Variants in SLCO3A1 observed in about 807,000 individuals in gnomAD.
SLCO3A1 encodes the protein PGE1 transporter.
SLCO3A1 carries 27 observed loss-of-function variants against 63.1 expected under a neutral mutation model. The observed-to-expected ratio is 0.43, with a 90% CI of 0.32 to 0.59. SLCO3A1 has a LOEUF of 0.59. Ranked by LOEUF, SLCO3A1 falls within the 20% of genes least tolerant of loss-of-function variation. The pLI, the probability that SLCO3A1 is intolerant of heterozygous loss-of-function variation, is 0.09. For missense variants in SLCO3A1, 773 were observed against 945.8 expected, an observed-to-expected ratio of 0.82 and a Z score of 2.40; for synonymous variants, 473 against 409.9, an observed-to-expected ratio of 1.15 and a Z score of -1.86.
chr15:91,971,170 C>T (rs367557942), intron 2 of SLCO3A1, among the ~76,000 whole-genome samples: 14 of 151,708 alleles, frequency 9.2e-5, no homozygotes, highest in East Asian at 1.9e-4. Context: ...CCGAGGCGGG[C>T]GGATCATGGG....
chr15:91,885,741 G>A lies in SLCO3A1; in HGVS notation c.181-30252G>A, dbSNP rs191775073. Among the ~76,000 whole-genome samples the A allele has an allele frequency of 2.8e-3, 419 of 152,278 alleles. 1 individual carries two copies. The highest frequency in any genetic ancestry group is 3.1e-3 in the Non-Finnish European group (213 of 68,034). ...GCGGTCTGACAATTCAGATCCCTTC[G>A]CCTTCCCCTCCCCTATTTTTATGGC... On this transcript the variant is annotated intron_variant, in intron 1 of 9. Coordinates refer to ENST00000318445, the MANE Select transcript of SLCO3A1 (RefSeq NM_013272.4). This position sits in a 1 kb window ranked among gnomAD's most constrained non-coding sequence, Gnocchi z 4.7.
intron 5 of SLCO3A1, among the ~76,000 whole-genome samples, chr15:92,121,968 C>T (rs2047867977): frequency 6.6e-6 from 1 of 152,094 alleles, no homozygotes; most frequent in African/African-American, 2.4e-5. Context: ...GGAGGGAAGC[C>T]CACGAGAGGG....
chr15:91,949,393 G>T (rs183308822), intron 2 of SLCO3A1, among the ~76,000 whole-genome samples: 1 of 152,182 alleles, frequency 6.6e-6, no homozygotes, highest in Non-Finnish European at 1.5e-5. Context: ...ACTTTGGGAG[G>T]CTGAGACAGG....
At chr15:91,917,160 G>T (rs1898689498) in intron 2 of SLCO3A1, among the ~76,000 whole-genome samples, 1 of 152,104 alleles carries the variant, frequency 6.6e-6, no homozygotes, top group African/African-American at 2.4e-5. Flanking sequence ...TTGGATGGCA[G>T]CGTGCAAGGT....
intron 2 of SLCO3A1, among the ~76,000 whole-genome samples, chr15:91,975,530 G>C (rs910583349): frequency 6.6e-6 from 1 of 152,232 alleles, no homozygotes; most frequent in African/African-American, 2.4e-5. Flanking sequence ...TGAAGCAGCT[G>C]TGTATTTCAA....
chr15:92,009,019 T>C (rs1367326802), intron 2 of SLCO3A1, among the ~76,000 whole-genome samples: 2 of 152,204 alleles, frequency 1.3e-5, no homozygotes, highest in Non-Finnish European at 2.9e-5. Context: ...ATGAAAAATA[T>C]ATTACTTCTG....
rs555819649 is a variant in SLCO3A1 at position 92,063,085 on chromosome 15, T to C, written c.647-31796T>C. Among the ~76,000 whole-genome samples the C allele has an allele frequency of 2.6e-5, 4 of 152,336 alleles. No individual in the cohort carries two copies. In the East Asian group the frequency reaches 7.7e-4, roughly 29 times the overall value. Reference sequence around the variant, plus strand: ...CTCAGAATAACGCCTTAAGGTTAGCTCAGGTTCTGCTTATAAATACTAAGC... The same window carrying C: ...CTCAGAATAACGCCTTAAGGTTAGCCCAGGTTCTGCTTATAAATACTAAGC... On this transcript the variant is annotated intron_variant, in intron 2 of 9. Transcript: ENST00000318445.
chr15:92,081,769 G>A lies in SLCO3A1; in HGVS notation c.647-13112G>A, dbSNP rs542992484. ...AACCTGTCTGCAGGTAGAATCACCT[G>A]GGGACTTTGGGAAAAGCCCATTGCC... On this transcript the variant is annotated intron_variant, in intron 2 of 9. Transcript: ENST00000318445. Among the ~76,000 whole-genome samples the A allele has an allele frequency of 5.3e-5, 8 of 152,306 alleles. No homozygotes were observed. In the East Asian group the frequency reaches 1.5e-3, roughly 29 times the overall value.
At chr15:92,061,231 C>A (rs11074037) in intron 2 of SLCO3A1, among the ~76,000 whole-genome samples, 83,878 of 152,084 alleles carry the variant, frequency 0.55, 24,344 homozygotes, top group Admixed American at 0.69. Flanking sequence ...CCTCTCCTTC[C>A]ATGAGTCTAG....
chr15:92,124,295 C>T (rs1435272595), intron 5 of SLCO3A1, among the ~76,000 whole-genome samples: 1 of 152,182 alleles, frequency 6.6e-6, no homozygotes, highest in African/African-American at 2.4e-5. Context: ...GTTCTGATCA[C>T]CGCCTGGAGT....
At chr15:91,957,981 T>C (rs368465837) in intron 2 of SLCO3A1, among the ~76,000 whole-genome samples, 17 of 152,240 alleles carry the variant, frequency 1.1e-4, no homozygotes, top group South Asian at 8.3e-4. Flanking sequence ...ATTTGATCCA[T>C]GAACAACATG....
intron 2 of SLCO3A1, among the ~76,000 whole-genome samples, chr15:91,947,555 GC>G (rs1176484663): frequency 6.6e-6 from 1 of 152,216 alleles, no homozygotes; most frequent in African/African-American, 2.4e-5. Context: ...GACACTAGGA[GC>G]CTGGTCATTG....
intron 9 of SLCO3A1, among the ~76,000 whole-genome samples, chr15:92,156,306 C>T (rs892407919): frequency 3.3e-5 from 5 of 152,158 alleles, no homozygotes; most frequent in Non-Finnish European, 5.9e-5. Context: ...ATTGTTCATT[C>T]GGCGAACATA....
At chr15:92,091,722 A>T (rs527706843) in intron 2 of SLCO3A1, among the ~76,000 whole-genome samples, 2 of 152,252 alleles carry the variant, frequency 1.3e-5, no homozygotes, top group Non-Finnish European at 2.9e-5. Context: ...GGAGCGACAT[A>T]GAAAAGTGAC....
chr15:92,168,155 G>A (rs546003929), downstream of SLCO3A1, among the ~76,000 whole-genome samples: 2 of 152,298 alleles, frequency 1.3e-5, no homozygotes, highest in East Asian at 1.9e-4. Flanking sequence ...TAAGAGCTAG[G>A]GTCTGTCTGG....
At chr15:92,000,403 TAAA>T (rs56354930) in intron 2 of SLCO3A1, among the ~76,000 whole-genome samples, 3 of 138,270 alleles carry the variant, frequency 2.2e-5, no homozygotes, top group African/African-American at 8.7e-5. Flanking sequence ...CCTTTTTTTT[TAAA>T]AAAAAAAAAA....
chr15:91,906,011 A>G (rs960757802), intron 1 of SLCO3A1, among the ~76,000 whole-genome samples: 8 of 152,160 alleles, frequency 5.3e-5, no homozygotes, highest in Non-Finnish European at 8.8e-5. Flanking sequence ...TTGGGCGTCA[A>G]TCCTGGCTCT....
At chr15:91,926,011 C>A (rs188686612) in intron 2 of SLCO3A1, among the ~76,000 whole-genome samples, 18 of 152,196 alleles carry the variant, frequency 1.2e-4, no homozygotes, top group African/African-American at 4.3e-4. Context: ...AACCAAGCAT[C>A]TTTGAATAGG....
At chr15:92,127,764 T>G (rs1254373153) in intron 6 of SLCO3A1, among the ~76,000 whole-genome samples, 3 of 152,174 alleles carry the variant, frequency 2.0e-5, no homozygotes, top group Admixed American at 6.5e-5. Flanking sequence ...TCTCAGGACA[T>G]TGAATCAATT....
Sources: allele counts gnomAD v4.1 joint callset (sites outside exome capture counted in the v4.1 genomes callset), GRCh38; gene constraint gnomAD v4.1.1; non-coding constraint Gnocchi (gnomAD v3.1); transcripts MANE v1.5; gene names NCBI Gene and HGNC (gene_info 2026-07-23, HGNC 2026-07-21).